The following MORC1 variants were observed in gnomAD, a reference collection of about 807,000 sequenced individuals.
MORC1 encodes MORC family CW-type zinc finger 1, also known as MORC family CW-type zinc finger protein 1.
Under a neutral mutation model 134.9 loss-of-function variants are expected in MORC1, and 59 were observed. That is an observed-to-expected ratio of 0.44 (90% CI 0.35 to 0.54). The LOEUF is 0.54. MORC1 is among the 20% of genes least tolerant of loss of function. The probability of loss-of-function intolerance (pLI) is 0.00; values close to 1 mark genes in which losing one functional copy is unlikely to be tolerated. For synonymous variants in MORC1, 395 were observed against 391.7 expected, an observed-to-expected ratio of 1.01 and a Z score of -0.10; for missense variants, 947 against 1,134.5, an observed-to-expected ratio of 0.83 and a Z score of 2.37.
chr3:108,988,028 T>C (rs1947942684), intron 21 of MORC1, among the ~76,000 whole-genome samples: 1 of 152,074 alleles, frequency 6.6e-6, no homozygotes, highest in Non-Finnish European at 1.5e-5. Context: ...TTTTTTGAAG[T>C]TTGCTCATTG....
intron 8 of MORC1, among the ~76,000 whole-genome samples, chr3:109,076,830 G>C (rs755662109): frequency 1.3e-5 from 2 of 152,106 alleles, no homozygotes; most frequent in East Asian, 3.9e-4. Context: ...CCTGGCGGGG[G>C]ATCGGGGACT....
At chr3:109,030,233 A>G (rs1478694924) in intron 16 of MORC1, among the ~76,000 whole-genome samples, 2 of 152,210 alleles carry the variant, frequency 1.3e-5, no homozygotes, top group African/African-American at 4.8e-5. Context: ...TATACTTGTC[A>G]TCACTTTAAT....
intron 14 of MORC1, among the ~76,000 whole-genome samples, chr3:109,041,570 C>G (rs548130200): frequency 1.3e-5 from 2 of 151,912 alleles, no homozygotes; most frequent in Non-Finnish European, 2.9e-5. Flanking sequence ...AAAATTAGCC[C>G]GGGCGCCATG....
At position 109,037,604 on chromosome 3, in the gene MORC1, C is replaced by G. The variant is rs538097489; in HGVS notation, c.1331-2136G>C. Among the ~76,000 whole-genome samples the G allele has an allele frequency of 9.2e-5, 14 of 152,294 alleles. No homozygotes were observed. In the South Asian group the frequency reaches 1.0e-3, roughly 11 times the overall value. On this transcript the variant is annotated intron_variant, in intron 14 of 27. Coordinates refer to ENST00000232603, the MANE Select transcript of MORC1 (RefSeq NM_014429.4). ...TATCTCTCTCCCAGCTCCCCCACCCCCTGACAGGCCCTGGTGTGTTATGTT... is the reference window on the plus strand; with the variant it reads ...TATCTCTCTCCCAGCTCCCCCACCCGCTGACAGGCCCTGGTGTGTTATGTT...
intron 17 of MORC1, among the ~76,000 whole-genome samples, chr3:109,017,758 TATCATC>T (rs1321201365): frequency 1.3e-5 from 2 of 152,212 alleles, no homozygotes; most frequent in Non-Finnish European, 2.9e-5. Flanking sequence ...CATCTTTTTT[TATCATC>T]ATCATCATCT....
intron 17 of MORC1, among the ~76,000 whole-genome samples, chr3:109,010,544 C>T (rs940907405): frequency 5.3e-5 from 8 of 151,884 alleles, no homozygotes; most frequent in East Asian, 3.9e-4. Flanking sequence ...ATATAGTTGA[C>T]GAACAAATAA....
At chr3:109,040,290 A>C (rs1326582759) in intron 14 of MORC1, among the ~76,000 whole-genome samples, 1 of 150,426 alleles carries the variant, frequency 6.6e-6, no homozygotes, top group East Asian at 1.9e-4. Flanking sequence ...CCTGAAAAAC[A>C]CCTGATGGCA....
chr3:109,048,564 C>T (rs561959350), intron 14 of MORC1, among the ~76,000 whole-genome samples: 6 of 152,112 alleles, frequency 3.9e-5, no homozygotes, highest in East Asian at 1.9e-4. Context: ...CTAGGGCTGC[C>T]GTGAAAAAAT....
chr3:109,039,229 T>C (rs1318294920), intron 14 of MORC1, among the ~76,000 whole-genome samples: 1 of 152,154 alleles, frequency 6.6e-6, no homozygotes, highest in East Asian at 1.9e-4. Context: ...TTCTCTGATT[T>C]CTACATTAAC....
rs1949985514 is a variant in MORC1, at chr3:109,057,403, C to G, written c.1115G>C (p.Ser372Thr). 6.2e-7 allele frequency: 1 copy of G among 1,612,220 alleles called. No homozygotes were observed. ...NRSQAGMFIYSNNRLIKMHEK... is the reference protein window; with the variant it reads ...NRSQAGMFIYTNNRLIKMHEK... ...ATGCATTTTGATCAAACGGTTATTA[C>G]TGTAAATGAACATTCCAGCTTGGCT... Residue 372 changes from serine (S) to threonine (T), a missense_variant, in exon 13 of 28, where the codon AGT (serine) becomes ACT (threonine). Physicochemically the swap from Ser to Thr is moderately conservative, Grantham distance 58 (BLOSUM62 1). Around this residue, in one of 3 missense-constraint regions of MORC1, gnomAD observed 722 missense variants for 817.0 expected, o/e 0.88. Coordinates refer to ENST00000232603, the MANE Select transcript of MORC1 (RefSeq NM_014429.4).
In MORC1 at chr3:108,963,406, T is replaced by A. The variant is rs1483447193; in HGVS notation, c.2799+8A>T. ...CTCCTACTGCTCAAATACAACTTTT[T>A]CACTCACCAGTTGGAGTTTCTGCAA... On this transcript the variant is annotated splice_region_variant and intron_variant, in intron 27 of 27. Coordinates refer to ENST00000232603, the MANE Select transcript of MORC1 (RefSeq NM_014429.4). The A allele has an allele frequency of 2.1e-5, 33 of 1,606,590 alleles. No homozygotes were observed. The highest frequency in any genetic ancestry group is 2.8e-5 in the Non-Finnish European group (33 of 1,177,596).
chr3:109,010,046 G>A (rs1442158299), intron 17 of MORC1, among the ~76,000 whole-genome samples: 1 of 151,984 alleles, frequency 6.6e-6, no homozygotes, highest in Admixed American at 6.6e-5. Flanking sequence ...TTCTATACCA[G>A]GGGACAGCAA....
At chr3:109,049,223 T>A in intron 14 of MORC1, 2 of 856,656 alleles carry the variant, frequency 2.3e-6, no homozygotes, top group Non-Finnish European at 2.8e-6. Context: ...AAAACAAAAT[T>A]CTGTTGTGAG....
intron 8 of MORC1, among the ~76,000 whole-genome samples, chr3:109,076,072 G>A (rs1288961250): frequency 6.6e-6 from 1 of 152,086 alleles, no homozygotes; most frequent in Admixed American, 6.5e-5. Flanking sequence ...GGAAATTTTT[G>A]CAATCTATCT....
chr3:109,083,312 GA>G (rs34334582), intron 8 of MORC1, among the ~76,000 whole-genome samples: 3 of 147,016 alleles, frequency 2.0e-5, no homozygotes, highest in Admixed American at 6.7e-5. Context: ...CTAAGGTAAA[GA>G]AAAAAAAAAA....
chr3:108,966,536 T>A (rs900692343), intron 26 of MORC1, among the ~76,000 whole-genome samples: 3 of 152,194 alleles, frequency 2.0e-5, no homozygotes, highest in Non-Finnish European at 4.4e-5. Flanking sequence ...GATGACAGGA[T>A]TATTAACTTC....
chr3:108,979,548 T>C lies in MORC1; in HGVS notation c.2444A>G (p.Lys815Arg), dbSNP rs1214449623. 6.2e-7 allele frequency: 1 copy of C among 1,614,160 alleles called. No homozygotes were observed. The highest frequency in any genetic ancestry group is 8.5e-7 in the Non-Finnish European group (1 of 1,180,006). Residue 815 changes from lysine to arginine, a missense_variant, in exon 24 of 28, where the codon AAG becomes AGG. By Grantham distance (26) the Lys-to-Arg change is conservative (BLOSUM62 2). This residue lies in a region of MORC1 where 722 missense variants were observed against 817.0 expected (regional missense o/e 0.88). Coordinates refer to ENST00000232603, the MANE Select transcript of MORC1 (RefSeq NM_014429.4). ...AGACTTCAGTTTTCTCACTGTTTCCTTGACAGGTGTGCTTTGAGAAGACGC... is the reference window on the plus strand; with the variant it reads ...AGACTTCAGTTTTCTCACTGTTTCCCTGACAGGTGTGCTTTGAGAAGACGC... ...SPASSQSTPVKETVRKLKSKL... is the reference protein window; with the variant it reads ...SPASSQSTPVRETVRKLKSKL...
chr3:109,111,697 G>A (rs1056045878), intron 2 of MORC1, among the ~76,000 whole-genome samples: 8 of 152,184 alleles, frequency 5.3e-5, no homozygotes, highest in African/African-American at 1.7e-4. Flanking sequence ...GCAGGGAGGA[G>A]TCTAAAAGGA....
intron 26 of MORC1, among the ~76,000 whole-genome samples, chr3:108,966,545 T>C (rs1021610235): frequency 5.3e-5 from 8 of 152,190 alleles, no homozygotes; most frequent in Non-Finnish European, 1.0e-4. Flanking sequence ...ATTATTAACT[T>C]CAAGGATTCT....
Sources: allele counts gnomAD v4.1 joint callset (sites outside exome capture counted in the v4.1 genomes callset), GRCh38; gene constraint gnomAD v4.1.1; regional missense constraint gnomAD v4.1.1; transcripts MANE v1.5; gene names NCBI Gene and HGNC (gene_info 2026-07-23, HGNC 2026-07-21).